The following PARD3B variants were observed in gnomAD, a reference collection of about 807,000 sequenced individuals.
PARD3B encodes par-3 family cell polarity regulator beta, also known as partitioning defective 3 homolog B.
In PARD3B, 103 loss-of-function variants were observed where a neutral mutation model predicts 130.2. The observed-to-expected ratio is 0.79, with a 90% CI of 0.67 to 0.93. The LOEUF (loss-of-function observed/expected upper bound fraction) is 0.93, where lower values mean the gene tolerates loss of function less well. PARD3B is among the 40% of genes least tolerant of loss of function. The probability of loss-of-function intolerance (pLI) is 0.00; values close to 1 mark genes in which losing one functional copy is unlikely to be tolerated. For missense variants in PARD3B, 1,609 were observed against 1,499.2 expected (o/e 1.07, Z -1.21); for synonymous variants, 583 against 553.2 (o/e 1.05, Z -0.76).
chr2:204,936,137 G>C lies in PARD3B; in HGVS notation c.223-29015G>C, dbSNP rs746519708. Among the ~76,000 whole-genome samples, 32 of 152,342 alleles carry C rather than the reference G, an allele frequency of 2.1e-4. No homozygotes were observed. The Middle Eastern group carries it at 0.017, about 81-fold the overall frequency. On this transcript the variant is annotated intron_variant, in intron 2 of 22. Transcript: ENST00000406610. Reference sequence around the variant, plus strand: ...TTGGGCTGTTCAGCCTGAAATCCCAGAACACAGTTTTACTCCGCAGCCAGG... The same window carrying C: ...TTGGGCTGTTCAGCCTGAAATCCCACAACACAGTTTTACTCCGCAGCCAGG...
intron 4 of PARD3B, among the ~76,000 whole-genome samples, chr2:205,076,529 G>A (rs769696272): frequency 6.6e-6 from 1 of 152,092 alleles, no homozygotes; most frequent in Non-Finnish European, 1.5e-5. Flanking sequence ...GGGATCATCA[G>A]CCCCCAGCCA....
chr2:204,844,016 C>T (rs537358868), intron 2 of PARD3B, among the ~76,000 whole-genome samples: 2 of 152,148 alleles, frequency 1.3e-5, no homozygotes, highest in East Asian at 3.9e-4. Flanking sequence ...GCCGAAATTC[C>T]ATCAGATGGA....
At chr2:204,631,983 A>G (rs909236168) in intron 1 of PARD3B, among the ~76,000 whole-genome samples, 2 of 152,176 alleles carry the variant, frequency 1.3e-5, no homozygotes, top group Non-Finnish European at 2.9e-5. Context: ...AAGAAGTCTT[A>G]TTTATTTCTA....
rs2031390376 is a variant in PARD3B, at chr2:204,562,602, G to A, written c.120+16483G>A. On this transcript the variant is annotated intron_variant, in intron 1 of 22. Coordinates refer to ENST00000406610, the MANE Select transcript of PARD3B (RefSeq NM_001302769.2). ...TTACTTGTCATCTTGTTTTTCTTTTGTCATGACATGGTGATAGTATTGGTA... is the reference window on the plus strand; with the variant it reads ...TTACTTGTCATCTTGTTTTTCTTTTATCATGACATGGTGATAGTATTGGTA... Among the ~76,000 whole-genome samples, 4 of 151,990 alleles carry A rather than the reference G, an allele frequency of 2.6e-5. No homozygotes were observed. In the South Asian group the frequency reaches 8.3e-4, roughly 32 times the overall value.
chr2:205,471,197 A>G (rs1181158473), intron 20 of PARD3B, among the ~76,000 whole-genome samples: 1 of 152,120 alleles, frequency 6.6e-6, no homozygotes, highest in African/African-American at 2.4e-5. Flanking sequence ...CCATAGGTAG[A>G]CACATGGCTT....
intron 20 of PARD3B, among the ~76,000 whole-genome samples, chr2:205,471,333 A>T (rs1471579117): frequency 1.3e-5 from 2 of 148,406 alleles, no homozygotes; most frequent in Non-Finnish European, 3.0e-5. Context: ...GAAAGACACT[A>T]TCAGTGCAAA....
rs1227026398 is a variant in PARD3B, at chr2:205,187,306, G to A, written c.2024+1443G>A. ...AGAGTAAATTGAATTGTACAAGGTG[G>A]AGCTGATCAGCCAGATGATAAAGCC... On this transcript the variant is annotated intron_variant, in intron 14 of 22. Coordinates refer to ENST00000406610, the MANE Select transcript of PARD3B (RefSeq NM_001302769.2). This position sits in a 1 kb window ranked among gnomAD's most constrained non-coding sequence, Gnocchi z 4.9. Among the ~76,000 whole-genome samples, 1 of 152,160 alleles carries A rather than the reference G, an allele frequency of 6.6e-6. No individual in the cohort carries two copies. The highest frequency in any genetic ancestry group is 1.5e-5 in the Non-Finnish European group (1 of 68,026).
chr2:204,800,653 C>A (rs1262950320), intron 2 of PARD3B, among the ~76,000 whole-genome samples: 1 of 152,134 alleles, frequency 6.6e-6, no homozygotes, highest in African/African-American at 2.4e-5. Context: ...TTCTCCCATT[C>A]TGTAGGTTGC....
At chr2:204,639,025 T>C (rs1247689515) in intron 1 of PARD3B, among the ~76,000 whole-genome samples, 1 of 152,102 alleles carries the variant, frequency 6.6e-6, no homozygotes, top group African/African-American at 2.4e-5. Flanking sequence ...TCTCTGTAGA[T>C]CCCAGCCTGC....
intron 3 of PARD3B, among the ~76,000 whole-genome samples, chr2:204,969,330 G>C (rs1345023145): frequency 6.6e-6 from 1 of 152,116 alleles, no homozygotes; most frequent in Non-Finnish European, 1.5e-5. Flanking sequence ...ATTTAAATTT[G>C]TTCATTCTCC....
intron 18 of PARD3B, among the ~76,000 whole-genome samples, chr2:205,399,089 T>A (rs149813414): frequency 0.027 from 4,029 of 151,956 alleles, 168 homozygotes; most frequent in African/African-American, 0.093. Flanking sequence ...GCCAACATGG[T>A]GAAACCCCGT....
intron 22 of PARD3B, among the ~76,000 whole-genome samples, chr2:205,599,711 G>T (rs1338451514): frequency 1.3e-5 from 2 of 152,186 alleles, no homozygotes; most frequent in East Asian, 1.9e-4. Flanking sequence ...CTTCACTTCT[G>T]AAAGAGTTTC....
chr2:205,343,595 A>G (rs2043627213), intron 18 of PARD3B, among the ~76,000 whole-genome samples: 1 of 152,224 alleles, frequency 6.6e-6, no homozygotes, highest in Non-Finnish European at 1.5e-5. Context: ...GGCAAGTAAC[A>G]TAAGCACTTT....
intron 2 of PARD3B, among the ~76,000 whole-genome samples, chr2:204,925,250 T>C (rs1457269906): frequency 1.3e-5 from 2 of 152,072 alleles, no homozygotes; most frequent in Non-Finnish European, 2.9e-5. Context: ...GGCAGCTAGA[T>C]AGCTTGAGAC....
Position 204,664,002 on chromosome 2 carries a change from A to G in PARD3B, c.121-22179A>G, listed in dbSNP as rs1336512732. On this transcript the variant is annotated intron_variant, in intron 1 of 22. Transcript: ENST00000406610. This position sits in a 1 kb window ranked among gnomAD's most constrained non-coding sequence, Gnocchi z 5.2. The stretch of plus-strand genomic sequence containing the variant: ...GAAACAGATTGCAAAAACTCTTTTC[A>G]GTATCCAAACATGACAGTAAACTCA... Among the ~76,000 whole-genome samples, 2 of 152,366 alleles carry G rather than the reference A, an allele frequency of 1.3e-5. No individual in the cohort carries two copies. Among genetic ancestry groups the G allele is most frequent in the East Asian group, 3.9e-4 (2 of 5,192 alleles).
At chr2:204,591,555 T>G (rs914697281) in intron 1 of PARD3B, among the ~76,000 whole-genome samples, 1 of 152,224 alleles carries the variant, frequency 6.6e-6, no homozygotes, top group African/African-American at 2.4e-5. Context: ...TTAAAACAGA[T>G]TAACTGTTTG....
intron 19 of PARD3B, among the ~76,000 whole-genome samples, chr2:205,439,312 C>T (rs751863227): frequency 2.0e-5 from 3 of 152,158 alleles, no homozygotes; most frequent in South Asian, 4.1e-4. Context: ...CTATTCTTGA[C>T]TTTCTTTAGC....
intron 19 of PARD3B, among the ~76,000 whole-genome samples, chr2:205,423,620 T>A (rs1327989867): frequency 2.0e-5 from 3 of 152,190 alleles, no homozygotes; most frequent in African/African-American, 2.4e-5. Flanking sequence ...GGTTTACATA[T>A]GTTCATTGCA....
At chr2:205,225,549 T>A (rs1166978548) in intron 15 of PARD3B, among the ~76,000 whole-genome samples, 1 of 152,184 alleles carries the variant, frequency 6.6e-6, no homozygotes, top group African/African-American at 2.4e-5. Flanking sequence ...CTCACACTGT[T>A]TTAAAGAACT....
Sources: gnomAD v4.1 joint callset for allele counts (sites outside exome capture counted in the v4.1 genomes callset) on GRCh38, gnomAD v4.1.1 for gene constraint, Gnocchi (gnomAD v3.1) non-coding constraint, MANE v1.5 for transcripts, NCBI Gene and HGNC (gene_info 2026-07-23, HGNC 2026-07-21) for gene names.